MAML2: variants seen among roughly 807,000 people sequenced by gnomAD.
MAML2 encodes the protein mastermind like transcriptional coactivator 2.
Under a neutral mutation model 96.1 loss-of-function variants are expected in MAML2, and 22 were observed. The ratio of observed to expected loss-of-function variants is 0.23; its 90% CI spans 0.16 to 0.33. The LOEUF is 0.33. Among genes scored for constraint, MAML2 ranks in the 10% least tolerant of loss-of-function variants. The pLI is 1.00. For synonymous variants in MAML2, 561 were observed against 521.3 expected (o/e 1.08, Z -1.04); for missense variants, 1,367 against 1,392.4 (o/e 0.98, Z 0.29).
At chr11:96,111,257 G>C (rs1188508499) in intron 1 of MAML2, among the ~76,000 whole-genome samples, 2 of 152,120 alleles carry the variant, frequency 1.3e-5, no homozygotes, top group Non-Finnish European at 2.9e-5. Flanking sequence ...ATGATAGCTA[G>C]TGTCACAGGT....
At chr11:96,243,280 G>C (rs1862461510) in intron 1 of MAML2, among the ~76,000 whole-genome samples, 1 of 152,208 alleles carries the variant, frequency 6.6e-6, no homozygotes, top group Non-Finnish European at 1.5e-5. Context: ...ATAAGGCCCG[G>C]CCGGCCTCCA....
At chr11:96,145,991 A>G (rs766515541) in intron 1 of MAML2, among the ~76,000 whole-genome samples, 29 of 152,182 alleles carry the variant, frequency 1.9e-4, no homozygotes, top group Non-Finnish European at 3.4e-4. Flanking sequence ...CCTGGGTGAC[A>G]GAGCAAGACT....
At chr11:96,081,721 C>T (rs1272465687) in intron 2 of MAML2, among the ~76,000 whole-genome samples, 1 of 152,134 alleles carries the variant, frequency 6.6e-6, no homozygotes, top group Non-Finnish European at 1.5e-5. Flanking sequence ...GCCCTGTGTT[C>T]GTTGTATATC....
chr11:96,335,711 T>C (rs1024208839), intron 1 of MAML2, among the ~76,000 whole-genome samples: 13 of 152,230 alleles, frequency 8.5e-5, no homozygotes, highest in Admixed American at 6.5e-5. Context: ...GTTGATTCCT[T>C]GGAGCCGTCC....
chr11:96,191,098 C>A (rs1466934530), intron 1 of MAML2, among the ~76,000 whole-genome samples: 1 of 152,090 alleles, frequency 6.6e-6, no homozygotes. Context: ...AGAGTCTAAA[C>A]TACTATTATG....
At position 96,092,832 on chromosome 11, in the gene MAML2, G is replaced by T. The variant is rs540599295; in HGVS notation, c.1199C>A (p.Thr400Asn). The change falls in exon 2 of 5, where the codon ACT becomes AAT. Residue 400 changes from threonine to asparagine, a missense_variant. Coordinates refer to ENST00000524717, the MANE Select transcript of MAML2 (RefSeq NM_032427.4). The surrounding 1 kb of genome is among the most constrained non-coding windows in gnomAD (Gnocchi z 4.1). Reference sequence around the variant, plus strand: ...AGGGACTGAAGGGATTGGAGACGAAGTGGAGAGGGCAGAGTTGGCCATGGA... The same window carrying T: ...AGGGACTGAAGGGATTGGAGACGAATTGGAGAGGGCAGAGTTGGCCATGGA... ...AFSMANSALS[T>N]SSPIPSVPQS... The T allele has an allele frequency of 6.2e-7, 1 of 1,609,048 alleles. No individual in the cohort carries two copies. Among genetic ancestry groups the T allele is most frequent in the Non-Finnish European group, 8.5e-7 (1 of 1,176,968 alleles).
intron 1 of MAML2, among the ~76,000 whole-genome samples, chr11:96,286,100 TA>T (rs370753663): frequency 6.6e-6 from 1 of 152,212 alleles, no homozygotes; most frequent in African/African-American, 2.4e-5. Flanking sequence ...GTAGACTGGA[TA>T]AAGAAAATGT....
At chr11:96,337,781 G>T (rs1246811174) in intron 1 of MAML2, among the ~76,000 whole-genome samples, 1 of 152,206 alleles carries the variant, frequency 6.6e-6, no homozygotes, top group African/African-American at 2.4e-5. Flanking sequence ...TTGTTTAGAA[G>T]TTTATTACTA....
chr11:96,328,563 C>T (rs971266696), intron 1 of MAML2, among the ~76,000 whole-genome samples: 3 of 151,868 alleles, frequency 2.0e-5, no homozygotes, highest in Admixed American at 6.6e-5. Flanking sequence ...CAAGATCGTA[C>T]GAGTCATAAA....
intron 2 of MAML2, among the ~76,000 whole-genome samples, chr11:96,010,090 A>C (rs1254075420): frequency 2.0e-5 from 3 of 152,210 alleles, no homozygotes; most frequent in African/African-American, 7.2e-5. Flanking sequence ...AATTATAGTT[A>C]TCATTATCAT....
intron 1 of MAML2, among the ~76,000 whole-genome samples, chr11:96,122,291 GA>G (rs1427251326): frequency 6.6e-6 from 1 of 151,796 alleles, no homozygotes; most frequent in Non-Finnish European, 1.5e-5. Context: ...TAAAGGGGTG[GA>G]AAACCTGCAG....
At chr11:96,234,512 T>A (rs1862340686) in intron 1 of MAML2, among the ~76,000 whole-genome samples, 1 of 152,136 alleles carries the variant, frequency 6.6e-6, no homozygotes, top group South Asian at 2.1e-4. Flanking sequence ...AACACATACA[T>A]ACATTTTAAA....
At chr11:96,290,457 C>T (rs1017461998) in intron 1 of MAML2, among the ~76,000 whole-genome samples, 2 of 152,176 alleles carry the variant, frequency 1.3e-5, no homozygotes, top group Non-Finnish European at 2.9e-5. Flanking sequence ...ATAGTTCATT[C>T]CCATGGAAGG....
chr11:96,218,939 G>T (rs1387463686), intron 1 of MAML2, among the ~76,000 whole-genome samples: 2 of 151,990 alleles, frequency 1.3e-5, no homozygotes, highest in Non-Finnish European at 2.9e-5. Flanking sequence ...CTATATCTGG[G>T]GGCACTTGAA....
chr11:96,321,944 C>T (rs942388969), intron 1 of MAML2, among the ~76,000 whole-genome samples: 6 of 151,918 alleles, frequency 3.9e-5, no homozygotes, highest in African/African-American at 1.5e-4. Flanking sequence ...TCCTGAAGGC[C>T]GAGTTTTTTG....
At chr11:96,202,073 C>T (rs1044648514) in intron 1 of MAML2, among the ~76,000 whole-genome samples, 1 of 150,038 alleles carries the variant, frequency 6.7e-6, no homozygotes, top group Non-Finnish European at 1.5e-5. Flanking sequence ...GTGGCTCGCG[C>T]CTGTAATCCC....
chr11:96,068,438 T>TACACACACACACACACACACACA, intron 2 of MAML2, among the ~76,000 whole-genome samples: 1 of 120,372 alleles, frequency 8.3e-6, no homozygotes, highest in East Asian at 2.7e-4. Context: ...GGAGCTTACT[T>TACACACACACACACACACACACA]CACACACACA....
chr11:96,181,400 T>C (rs1415738634), intron 1 of MAML2, among the ~76,000 whole-genome samples: 3 of 145,628 alleles, frequency 2.1e-5, no homozygotes, highest in Admixed American at 1.4e-4. Context: ...AGATCGAGAC[T>C]ATTTTTTTCT....
intron 2 of MAML2, among the ~76,000 whole-genome samples, chr11:96,077,219 C>CTCTTTTTTTT (rs1555005491): frequency 3.2e-5 from 3 of 94,120 alleles, no homozygotes; most frequent in South Asian, 4.0e-4. Context: ...CTCTCTCTCT[C>CTCTTTTTTTT]TTTTTTTTTT....
Sources: allele counts gnomAD v4.1 joint callset (sites outside exome capture counted in the v4.1 genomes callset), GRCh38; gene constraint gnomAD v4.1.1; non-coding constraint Gnocchi (gnomAD v3.1); transcripts MANE v1.5; gene names NCBI Gene and HGNC (gene_info 2026-07-23, HGNC 2026-07-21).